The following GRIN2D variants were observed in gnomAD, a reference collection of about 807,000 sequenced individuals.
The protein encoded by GRIN2D is glutamate receptor ionotropic, NMDA 2D.
In GRIN2D, 37 loss-of-function variants were observed where a neutral mutation model predicts 103.2. That is an observed-to-expected ratio of 0.36 (90% CI 0.28 to 0.47). The LOEUF (loss-of-function observed/expected upper bound fraction) is 0.47, where lower values mean the gene tolerates loss of function less well. Ranked by LOEUF, GRIN2D falls within the 20% of genes least tolerant of loss-of-function variation. The pLI, the probability that GRIN2D is intolerant of heterozygous loss-of-function variation, is 1.00. For synonymous variants in GRIN2D, 845 were observed against 885.6 expected (o/e 0.95, Z 0.81); for missense variants, 1,557 against 1,910.6 (o/e 0.81, Z 3.45).
At chr19:48,416,218 G>A (rs899676616) in intron 8 of GRIN2D, 63 bp downstream of exon 8, 16 of 1,477,188 alleles carry the variant, frequency 1.1e-5, no homozygotes, top group Admixed American at 1.9e-5. Context: ...CAACCGTGTG[G>A]GCCCTGGGAT....
intron 11 of GRIN2D, among the ~76,000 whole-genome samples, chr19:48,434,595 A>T (rs1971205712): frequency 1.3e-5 from 2 of 151,716 alleles, no homozygotes; most frequent in Admixed American, 6.6e-5. Context: ...TTTTTTAAAA[A>T]TTTTTAATTG....
In GRIN2D at chr19:48,405,786, G is replaced by A. The variant is rs549357654; in HGVS notation, c.1085+433G>A. On this transcript the variant is annotated intron_variant, in intron 4 of 13. Transcript: ENST00000263269. The surrounding 1 kb of genome is among the most constrained non-coding windows in gnomAD (Gnocchi z 5.1). ...ACAATCCAGTGGCCCAGATGAGGTC[G>A]AAGTTTGTTCCTCTCTCACGTAACA... 2.0e-5 allele frequency among the ~76,000 whole-genome samples: 3 copies of A among 152,298 alleles called. No individual in the cohort carries two copies. Among genetic ancestry groups the A allele is most frequent in the African/African-American group, 4.8e-5 (2 of 41,580 alleles).
chr19:48,432,178 G>C (rs1273611821), intron 11 of GRIN2D, among the ~76,000 whole-genome samples: 1 of 151,402 alleles, frequency 6.6e-6, no homozygotes, highest in Non-Finnish European at 1.5e-5. Flanking sequence ...CCAAAGTGCT[G>C]GGATTACAGG....
intron 11 of GRIN2D, among the ~76,000 whole-genome samples, chr19:48,440,472 A>C (rs1971278278): frequency 6.6e-6 from 1 of 152,134 alleles, no homozygotes; most frequent in African/African-American, 2.4e-5. Flanking sequence ...GTGTGCCTTT[A>C]GTCCCAGCTA....
intron 11 of GRIN2D, among the ~76,000 whole-genome samples, chr19:48,424,054 G>A (rs557822568): frequency 2.0e-5 from 3 of 151,880 alleles, no homozygotes; most frequent in Non-Finnish European, 2.9e-5. Flanking sequence ...CCTGACATGA[G>A]GTGATCTGCC....
chr19:48,420,710 C>T (rs1355038961), intron 10 of GRIN2D, among the ~76,000 whole-genome samples: 2 of 151,976 alleles, frequency 1.3e-5, no homozygotes, highest in Admixed American at 1.3e-4. Flanking sequence ...CCTGTAGTCC[C>T]AGCTACTTGG....
Position 48,414,260 on chromosome 19 carries a change from T to C in GRIN2D, c.1201-113T>C, listed in dbSNP as rs1276683400. ...TCTGAAGGTGGGAGGGGCTCCTGGG[T>C]CTTGGAAGAAGCTGCTGCCCACACA... On this transcript the variant is annotated intron_variant, in intron 5 of 13. Coordinates refer to ENST00000263269, the MANE Select transcript of GRIN2D (RefSeq NM_000836.4). The surrounding 1 kb of genome is among the most constrained non-coding windows in gnomAD (Gnocchi z 4.6). 7.1e-6 allele frequency: 7 copies of C among 991,070 alleles called. No individual in the cohort carries two copies. In the Admixed American group the frequency reaches 1.4e-4, roughly 20 times the overall value. 61.4% of individuals were successfully genotyped at this position (991,070 alleles called of 1,614,324 possible). A position where few individuals can be genotyped will look rare whatever the true frequency, so the allele number is the denominator to read the frequency against.
At position 48,393,702 on chromosome 19, in the gene GRIN2D, G is replaced by A. The variant is rs1028902025; in HGVS notation, c.-472G>A. On this transcript the variant is annotated 5_prime_UTR_variant, in exon 1 of 14. Transcript: ENST00000263269. This position sits in a 1 kb window ranked among gnomAD's most constrained non-coding sequence, Gnocchi z 5.6. ...GAGTGTGTGTGTGCGAGAACACAGC[G>A]AGTGTGTGAGTCCCTCCCGCTCCAG... Among the ~76,000 whole-genome samples the A allele has an allele frequency of 2.6e-5, 4 of 151,960 alleles. No individual in the cohort carries two copies. Among genetic ancestry groups the A allele is most frequent in the South Asian group, 4.2e-4 (2 of 4,814 alleles).
chr19:48,402,128 G>GAAAT (rs1189526344), intron 3 of GRIN2D, among the ~76,000 whole-genome samples: 1 of 132,204 alleles, frequency 7.6e-6, no homozygotes, highest in African/African-American at 2.9e-5. Context: ...AAGAAAGAAA[G>GAAAT]AAAGAAAGAA....
At chr19:48,436,082 T>C (rs919959615) in intron 11 of GRIN2D, among the ~76,000 whole-genome samples, 3 of 152,154 alleles carry the variant, frequency 2.0e-5, no homozygotes, top group Admixed American at 1.3e-4. Flanking sequence ...GCCCGCTGCC[T>C]AGACAGAGCC....
chr19:48,441,641 A>G, intron 11 of GRIN2D, 128 bp from the exon 12 acceptor site: 1 of 672,388 alleles, frequency 1.5e-6, no homozygotes, highest in Non-Finnish European at 2.5e-6. Flanking sequence ...AAGTGCAATG[A>G]TTTGCTCAAG....
intron 4 of GRIN2D, among the ~76,000 whole-genome samples, chr19:48,407,322 C>T (rs939452652): frequency 6.6e-6 from 1 of 152,024 alleles, no homozygotes; most frequent in African/African-American, 2.4e-5. Flanking sequence ...CTCTGTCCAT[C>T]TCCTTCCTCT....
At position 48,442,717 on chromosome 19, in the gene GRIN2D, C is replaced by A. The variant is rs1208131908; in HGVS notation, c.2791C>A (p.Pro931Thr). ...GCCGCGGCCGGCTCCCGGGCCCGCACCTTTCGTGCCCCGCGAGCGCGCCTC... is the reference window on the plus strand; with the variant it reads ...GCCGCGGCCGGCTCCCGGGCCCGCAACTTTCGTGCCCCGCGAGCGCGCCTC... ...PAPRPAPGPA[P>T]FVPRERASVD... Residue 931 changes from proline to threonine, a missense_variant, in exon 14 of 14, where the codon CCT (proline) becomes ACT (threonine). Coordinates refer to ENST00000263269, the MANE Select transcript of GRIN2D (RefSeq NM_000836.4). The surrounding 1 kb of genome is among the most constrained non-coding windows in gnomAD (Gnocchi z 7.2). The A allele has an allele frequency of 2.8e-5, 32 of 1,130,326 alleles. No homozygotes were observed. The highest frequency in any genetic ancestry group is 3.4e-5 in the Non-Finnish European group (31 of 922,270). 70.0% of individuals were successfully genotyped at this position (1,130,326 alleles called of 1,614,324 possible).
In GRIN2D at chr19:48,442,484, G is replaced by A; in HGVS notation, c.2673+102G>A. The A allele has an allele frequency of 6.6e-7, 1 of 1,520,200 alleles. No homozygotes were observed. The highest frequency in any genetic ancestry group is 8.8e-7 in the Non-Finnish European group (1 of 1,132,648). 94.2% of individuals were successfully genotyped at this position (1,520,200 alleles called of 1,614,324 possible). ...AGATGTGGGTCGAGATGTGGATAGT[G>A]GGGAAGAGAGCGGGAAACACAGGCG... On this transcript the variant is annotated intron_variant, in intron 13 of 13. Coordinates refer to ENST00000263269, the MANE Select transcript of GRIN2D (RefSeq NM_000836.4). The surrounding 1 kb of genome is among the most constrained non-coding windows in gnomAD (Gnocchi z 7.2).
In GRIN2D at chr19:48,443,437, C is replaced by A. The variant is rs1971333531; in HGVS notation, c.3511C>A (p.Pro1171Thr). 7.2e-7 allele frequency: 1 copy of A among 1,389,368 alleles called. No homozygotes were observed. Among genetic ancestry groups the A allele is most frequent in the South Asian group, 1.6e-5 (1 of 64,040 alleles). The allele number at this position is 1,389,368 out of a possible 1,614,324, so 86.1% of individuals were successfully genotyped here. The change falls in exon 14 of 14, where the codon CCG becomes ACG. Residue 1171 changes from proline to threonine, a missense_variant. By Grantham distance (38) the Pro-to-Thr change is conservative. This residue lies in a region of GRIN2D where 632 missense variants were observed against 572.8 expected (regional missense o/e 1.10). Coordinates refer to ENST00000263269, the MANE Select transcript of GRIN2D (RefSeq NM_000836.4). The surrounding 1 kb of genome is among the most constrained non-coding windows in gnomAD (Gnocchi z 8.9). The stretch of plus-strand genomic sequence containing the variant: ...CGCCGGGAGCTGGGACTACCTGCCC[C>A]CGCGCAGCGGTCCGGCCGCCTGGCA... ...WRAGSWDYLP[P>T]RSGPAAWHCR... is the part of the protein sequence containing the mutation.
In GRIN2D at chr19:48,405,334, C is replaced by T. The variant is rs750777650; in HGVS notation, c.1066C>T (p.Arg356Cys). The T allele has an allele frequency of 1.9e-6, 3 of 1,589,388 alleles. No individual in the cohort carries two copies. The highest frequency in any genetic ancestry group is 1.7e-5 in the Admixed American group (1 of 58,942). ...CTGTCGCGCCCAGAACCGCACCCAC[C>T]GCGGCGAGAGTCTGCATAGGTGAGT... ...HDCRAQNRTH[R>C]GESLHRYFMN... The change falls in exon 4 of 14, where the codon CGC becomes TGC. Residue 356 changes from arginine (R) to cysteine (C), a missense_variant. Physicochemically the swap from Arg to Cys is radical, Grantham distance 180. This residue lies in a region of GRIN2D where 490 missense variants were observed against 601.1 expected (regional missense o/e 0.82). Coordinates refer to ENST00000263269, the MANE Select transcript of GRIN2D (RefSeq NM_000836.4). This position sits in a 1 kb window ranked among gnomAD's most constrained non-coding sequence, Gnocchi z 5.1.
At chr19:48,419,052 CT>C (rs56737271) in intron 8 of GRIN2D, among the ~76,000 whole-genome samples, 181 bp from the exon 9 acceptor site, 283 of 143,068 alleles carry the variant, frequency 2.0e-3, no homozygotes, top group African/African-American at 4.3e-3. Context: ...TTTTTTCTTC[CT>C]TTTTTTTTTT....
chr19:48,396,387 C>T (rs996959490), intron 2 of GRIN2D, among the ~76,000 whole-genome samples: 1 of 151,966 alleles, frequency 6.6e-6, no homozygotes, highest in African/African-American at 2.4e-5. Flanking sequence ...CCTCCTGGGC[C>T]TCAGTAGGGA....
chr19:48,431,682 A>T (rs1971157533), intron 11 of GRIN2D, among the ~76,000 whole-genome samples: 1 of 150,410 alleles, frequency 6.6e-6, no homozygotes, highest in Non-Finnish European at 1.5e-5. Context: ...CCTCCCAGGT[A>T]CAAGCAATTC....
Sources: gnomAD v4.1 joint callset for allele counts (sites outside exome capture counted in the v4.1 genomes callset) on GRCh38, gnomAD v4.1.1 for gene constraint, gnomAD v4.1.1 regional missense constraint, Gnocchi (gnomAD v3.1) non-coding constraint, MANE v1.5 for transcripts, NCBI Gene and HGNC (gene_info 2026-07-23, HGNC 2026-07-21) for gene names.